The following SH3D19 variants were observed in gnomAD, a reference collection of about 807,000 sequenced individuals.
SH3D19 encodes SH3 domain containing 19.
In SH3D19, 58 loss-of-function variants were observed where a neutral mutation model predicts 112.1. That is an observed-to-expected ratio of 0.52 (90% confidence interval 0.42 to 0.64). SH3D19 has a LOEUF of 0.64. SH3D19 is among the 30% of genes least tolerant of loss of function. The pLI is 0.00. For missense variants in SH3D19, 1,090 were observed against 1,263.4 expected, an observed-to-expected ratio of 0.86 and a Z score of 2.08; for synonymous variants, 391 against 448.5, an observed-to-expected ratio of 0.87 and a Z score of 1.62.
intron 1 of SH3D19, among the ~76,000 whole-genome samples, chr4:151,254,831 G>A (rs1408150366): frequency 6.6e-6 from 1 of 151,868 alleles, no homozygotes; most frequent in Non-Finnish European, 1.5e-5. Context: ...TCAATGAGCT[G>A]TTGGGCACAC....
In SH3D19 at chr4:151,127,643, T is replaced by C. The variant is rs752739456; in HGVS notation, c.3002A>G (p.Glu1001Gly). The C allele has an allele frequency of 9.4e-6, 15 of 1,603,752 alleles. No homozygotes were observed. In the East Asian group the frequency reaches 3.2e-4, roughly 34 times the overall value. The change falls in exon 19 of 20, where the codon GAG becomes GGG. Residue 1001 changes from glutamate to glycine, a missense_variant. Transcript: ENST00000604030. The part of the protein sequence containing the change: ...KAKALYDFRG[E>G]NEDELSFKAG... ...CTTGAAGGAAAGTTCATCTTCATTCTCCCCTCGGAAATCATATAAGGCTTT... is the reference window on the plus strand; with the variant it reads ...CTTGAAGGAAAGTTCATCTTCATTCCCCCCTCGGAAATCATATAAGGCTTT...
Position 151,133,088 on chromosome 4 carries a change from G to A in SH3D19, c.2635C>T (p.Leu879=). ...EVRGRTGIFP[L]NFVEPVEDYP... Reference sequence around the variant, plus strand: ...TCCTCAACAGGCTCCACAAAGTTCAGGGGGAAAATCCCAGTTCTGCCTCGA... The same window carrying A: ...TCCTCAACAGGCTCCACAAAGTTCAAGGGGAAAATCCCAGTTCTGCCTCGA... The change falls in exon 16 of 20, where the codon CTG becomes TTG. Residue 879 remains leucine (L), a synonymous_variant. Coordinates refer to ENST00000604030, the MANE Select transcript of SH3D19 (RefSeq NM_001378122.1). 1.2e-6 allele frequency: 2 copies of A among 1,614,040 alleles called. No homozygotes were observed. Among genetic ancestry groups the A allele is most frequent in the Non-Finnish European group, 1.7e-6 (2 of 1,179,942 alleles).
At chr4:151,295,548 C>G (rs147568695) in intron 1 of SH3D19, among the ~76,000 whole-genome samples, 1 of 152,330 alleles carries the variant, frequency 6.6e-6, no homozygotes, top group East Asian at 1.9e-4. Context: ...AAACAGCTAA[C>G]TCACTTCCTG....
At chr4:151,210,642 C>T (rs957472887) in intron 2 of SH3D19, among the ~76,000 whole-genome samples, 2 of 152,090 alleles carry the variant, frequency 1.3e-5, no homozygotes, top group Non-Finnish European at 2.9e-5. Context: ...ACCTTGTGAT[C>T]CGCCTGCCTC....
At chr4:151,237,014 A>G (rs751355974) in intron 1 of SH3D19, among the ~76,000 whole-genome samples, 2 of 152,202 alleles carry the variant, frequency 1.3e-5, no homozygotes, top group Non-Finnish European at 2.9e-5. Context: ...GTCCCCTTCC[A>G]TACTGTGGAA....
chr4:151,228,910 A>G (rs1769357714), intron 1 of SH3D19, among the ~76,000 whole-genome samples: 1 of 150,676 alleles, frequency 6.6e-6, no homozygotes, highest in South Asian at 2.1e-4. Context: ...GCTGGAGTGC[A>G]GTGGTGCAAT....
At chr4:151,128,762 T>C (rs748484319) in intron 17 of SH3D19, among the ~76,000 whole-genome samples, 2 of 152,110 alleles carry the variant, frequency 1.3e-5, no homozygotes, top group African/African-American at 2.4e-5. Context: ...CTCCTCAGCC[T>C]CCCGAGTAGC....
intron 2 of SH3D19, among the ~76,000 whole-genome samples, chr4:151,204,586 C>T (rs542498773): frequency 1.3e-5 from 2 of 152,102 alleles, no homozygotes; most frequent in South Asian, 4.1e-4. Context: ...TATCATAGTG[C>T]AGAAACTCCA....
intron 2 of SH3D19, among the ~76,000 whole-genome samples, chr4:151,187,951 CT>C (rs1043856598): frequency 6.6e-6 from 1 of 152,050 alleles, no homozygotes; most frequent in African/African-American, 2.4e-5. Context: ...TCTTGTGAGA[CT>C]TTCCCCTCTC....
At chr4:151,280,808 TA>T (rs891400469) in intron 1 of SH3D19, among the ~76,000 whole-genome samples, 5 of 150,652 alleles carry the variant, frequency 3.3e-5, no homozygotes, top group African/African-American at 7.3e-5. Flanking sequence ...AAATTAAGTT[TA>T]AAAAAAAACT....
intron 14 of SH3D19, among the ~76,000 whole-genome samples, chr4:151,136,762 T>C (rs1751940118): frequency 6.6e-6 from 1 of 152,210 alleles, no homozygotes; most frequent in African/African-American, 2.4e-5. Context: ...ACAAACATTA[T>C]TCTTAATATT....
At chr4:151,192,865 A>T (rs1228930073) in intron 2 of SH3D19, among the ~76,000 whole-genome samples, 1 of 152,226 alleles carries the variant, frequency 6.6e-6, no homozygotes, top group Admixed American at 6.5e-5. Flanking sequence ...CCCACAAAAA[A>T]GTTCAAAGAT....
chr4:151,148,254 T>TACACACACACAC lies in SH3D19; in HGVS notation c.1818-80_1818-69dup, dbSNP rs34219685. The TACACACACACAC allele has an allele frequency of 3.8e-4, 369 of 983,768 alleles. No individual in the cohort carries two copies. In the African/African-American group the frequency reaches 4.8e-3, roughly 13 times the overall value. 60.9% of individuals were successfully genotyped at this position (983,768 alleles called of 1,614,324 possible). ...TATTAAATTCTGTCCTGTCCTGTCTTACACACACACACACACACACACACA... is the reference window on the plus strand; with the variant it reads ...TATTAAATTCTGTCCTGTCCTGTCTTACACACACACACACACACACACACACACACACACACA... On this transcript the variant is annotated intron_variant, in intron 10 of 19. Coordinates refer to ENST00000604030, the MANE Select transcript of SH3D19 (RefSeq NM_001378122.1).
chr4:151,220,859 T>G (rs747133331), intron 2 of SH3D19, among the ~76,000 whole-genome samples: 3 of 152,222 alleles, frequency 2.0e-5, no homozygotes, highest in Admixed American at 6.5e-5. Flanking sequence ...ATATTAACAC[T>G]TATTTCTTGA....
chr4:151,263,565 A>G (rs188437204), intron 1 of SH3D19, among the ~76,000 whole-genome samples: 19 of 152,368 alleles, frequency 1.2e-4, no homozygotes, highest in Admixed American at 1.2e-3. Context: ...TGGAAGACTT[A>G]GCTGGTTAGT....
At chr4:151,249,063 G>A (rs1397467306) in intron 1 of SH3D19, among the ~76,000 whole-genome samples, 4 of 152,138 alleles carry the variant, frequency 2.6e-5, no homozygotes, top group Admixed American at 2.6e-4. Flanking sequence ...GATTTAAACA[G>A]ATGTGTACTT....
rs1296610867 is a variant in SH3D19 at position 151,149,533 on chromosome 4, C to A, written c.1784G>T (p.Gly595Val). The change falls in exon 10 of 20, where the codon GGT becomes GTT. Residue 595 changes from glycine to valine, a missense_variant. By Grantham distance (109) the Gly-to-Val change is moderately radical. Transcript: ENST00000604030. ...CAACCTTGGGGGTACTCGCACAAAA[C>A]CTCCTGTTTGACCTGGGTGGTTGGA... ...LESNHPGQTG[G>V]FVRVPPRLPP... The A allele has an allele frequency of 1.2e-6, 2 of 1,611,652 alleles. No individual in the cohort carries two copies. Among genetic ancestry groups the A allele is most frequent in the South Asian group, 1.1e-5 (1 of 90,464 alleles).
chr4:151,150,107 C>T lies in SH3D19; in HGVS notation c.1756-546G>A, dbSNP rs188816943. ...GGCTGAGGCAGGAGAATGGCGTGAA[C>T]CCAGGAGGCAGAGGTTGCAGTGAGC... On this transcript the variant is annotated intron_variant, in intron 9 of 19. Coordinates refer to ENST00000604030, the MANE Select transcript of SH3D19 (RefSeq NM_001378122.1). 5.4e-3 allele frequency among the ~76,000 whole-genome samples: 755 copies of T among 139,388 alleles called. 4 individuals carry two copies. The highest frequency in any genetic ancestry group is 9.3e-3 in the Middle Eastern group (2 of 214). The allele number at this position is 139,388 out of a possible 152,430, so 91.4% of individuals were successfully genotyped here. A position where few individuals can be genotyped will look rare whatever the true frequency, so the allele number is the denominator to read the frequency against.
At chr4:151,128,450 A>G in intron 17 of SH3D19, 94 bp from the exon 18 acceptor site, 2 of 1,001,282 alleles carry the variant, frequency 2.0e-6, no homozygotes, top group South Asian at 4.6e-5. Flanking sequence ...AAAAAAACTA[A>G]GGGGTCTTAA....
Sources: allele counts gnomAD v4.1 joint callset (sites outside exome capture counted in the v4.1 genomes callset), GRCh38; gene constraint gnomAD v4.1.1; transcripts MANE v1.5; gene names NCBI Gene and HGNC (gene_info 2026-07-23, HGNC 2026-07-21).